Variants in CTIF observed in about 807,000 individuals in gnomAD.
The protein encoded by CTIF is cap binding complex dependent translation initiation factor, also known as CBP80/20-dependent translation initiation factor.
In CTIF, 21 loss-of-function variants were observed where a neutral mutation model predicts 66.0. The observed-to-expected ratio is 0.32, with a 90% CI of 0.23 to 0.46. The LOEUF (loss-of-function observed/expected upper bound fraction) is 0.46. Ranked by LOEUF, CTIF falls within the 20% of genes least tolerant of loss-of-function variation. CTIF has a pLI of 1.00. For synonymous variants in CTIF, 345 were observed against 326.4 expected, an observed-to-expected ratio of 1.06 and a Z score of -0.62; for missense variants, 739 against 812.7, an observed-to-expected ratio of 0.91 and a Z score of 1.10.
At chr18:48,746,474 G>A (rs2092597260) in intron 7 of CTIF, among the ~76,000 whole-genome samples, 1 of 151,134 alleles carries the variant, frequency 6.6e-6, no homozygotes. Flanking sequence ...GGGAAGATCA[G>A]GCGCAGGGAC....
chr18:48,698,890 T>A lies in CTIF; in HGVS notation c.508-12729T>A, dbSNP rs187155716. Among the ~76,000 whole-genome samples, 79 of 152,298 alleles carry A rather than the reference T, an allele frequency of 5.2e-4. No homozygotes were observed. The Middle Eastern group carries it at 0.017, about 33-fold the overall frequency. On this transcript the variant is annotated intron_variant, in intron 6 of 11. Coordinates refer to ENST00000256413, the MANE Select transcript of CTIF (RefSeq NM_014772.3). ...TGGAAGTTCCTCTCTGTGGCCTAGG[T>A]CACTGTGGCATCCCCAGCACCTAGT... is the stretch of plus-strand genomic sequence containing the variant.
At chr18:48,549,601 G>A (rs755247562) in intron 1 of CTIF, among the ~76,000 whole-genome samples, 3 of 152,084 alleles carry the variant, frequency 2.0e-5, no homozygotes, top group Non-Finnish European at 2.9e-5. Context: ...CCACTGCTCC[G>A]GGCATCATGT....
Position 48,730,660 on chromosome 18 carries a change from C to CGGTGTGAGGGGCTTCTGA in CTIF, c.584+18982_584+18983insAGGTGTGAGGGGCTTCTG, listed in dbSNP as rs2092445122. On this transcript the variant is annotated intron_variant, in intron 7 of 11. Coordinates refer to ENST00000256413, the MANE Select transcript of CTIF (RefSeq NM_014772.3). ...GCCCCTGTGGTGTGAGGGGCTTCTG[C>CGGTGTGAGGGGCTTCTGA]GGTGTGAGGGGCTTCTGCGGTGTGA... 1.7e-5 allele frequency among the ~76,000 whole-genome samples: 2 copies of CGGTGTGAGGGGCTTCTGA among 119,228 alleles called. 1 individual carries two copies. The allele number at this position is 119,228 out of a possible 152,430, so 78.2% of individuals were successfully genotyped here. A position where few individuals can be genotyped will look rare whatever the true frequency, so the allele number is the denominator to read the frequency against.
chr18:48,545,004 C>T (rs2088710984), intron 1 of CTIF, among the ~76,000 whole-genome samples: 1 of 152,156 alleles, frequency 6.6e-6, no homozygotes, highest in Non-Finnish European at 1.5e-5. Flanking sequence ...CAAGGGGCAG[C>T]CACCTGCTCC....
chr18:48,567,769 G>C (rs574916336), intron 1 of CTIF: 2 of 152,328 alleles, frequency 1.3e-5, no homozygotes, highest in Non-Finnish European at 2.9e-5. Flanking sequence ...GCAATGAGGG[G>C]CTAGAGGTTA....
intron 1 of CTIF, chr18:48,565,323 A>G (rs917541818): frequency 1.3e-5 from 2 of 152,082 alleles, no homozygotes; most frequent in African/African-American, 4.8e-5. Context: ...CTTCCCTTCT[A>G]CAGGAAACAG....
intron 6 of CTIF, among the ~76,000 whole-genome samples, chr18:48,707,823 G>A (rs988773024): frequency 2.6e-5 from 4 of 152,170 alleles, no homozygotes; most frequent in East Asian, 3.8e-4. Flanking sequence ...ATTCTGGAAC[G>A]TTGTTATCAC....
intron 6 of CTIF, among the ~76,000 whole-genome samples, chr18:48,691,860 C>T (rs1471194289): frequency 6.6e-6 from 1 of 152,164 alleles, no homozygotes; most frequent in Admixed American, 6.5e-5. Flanking sequence ...TATTCCAGGA[C>T]AATCCTATTT....
At chr18:48,559,447 A>G (rs980499900) in intron 1 of CTIF, among the ~76,000 whole-genome samples, 1 of 152,228 alleles carries the variant, frequency 6.6e-6, no homozygotes, top group Admixed American at 6.5e-5. Flanking sequence ...ATTAGAATTT[A>G]AGAGCCTAGT....
At chr18:48,636,740 G>A in intron 3 of CTIF, 55 bp downstream of exon 3, 1 of 1,424,214 alleles carries the variant, frequency 7.0e-7, no homozygotes, top group Non-Finnish European at 9.4e-7. Context: ...TGTCTGCCTG[G>A]GTTCCTGGGC....
intron 9 of CTIF, among the ~76,000 whole-genome samples, chr18:48,802,217 G>T (rs1294607109): frequency 6.6e-6 from 1 of 152,176 alleles, no homozygotes; most frequent in Non-Finnish European, 1.5e-5. Context: ...TCAGGCTGAG[G>T]CCTCAGTGAG....
At chr18:48,855,875 A>T (rs1425989623) in intron 10 of CTIF, among the ~76,000 whole-genome samples, 1 of 152,198 alleles carries the variant, frequency 6.6e-6, no homozygotes, top group East Asian at 1.9e-4. Flanking sequence ...GCTGGAGGTG[A>T]CATGGAGCTG....
chr18:48,667,726 C>T (rs985530207), intron 5 of CTIF, among the ~76,000 whole-genome samples: 1 of 152,222 alleles, frequency 6.6e-6, no homozygotes, highest in Non-Finnish European at 1.5e-5. Flanking sequence ...CTCGGCCAGT[C>T]TCACTTTCTC....
In CTIF at chr18:48,653,029, A is replaced by G. The variant is rs1167160970; in HGVS notation, c.253-10723A>G. Among the ~76,000 whole-genome samples, 7 of 152,220 alleles carry G rather than the reference A, an allele frequency of 4.6e-5. 1 individual carries two copies. In the South Asian group the frequency reaches 1.4e-3, roughly 31 times the overall value. The stretch of plus-strand genomic sequence containing the variant: ...AAACCCACAGCCAATATCATACTGA[A>G]TGGGCAAAAACTGGAAGCATTCCCT... On this transcript the variant is annotated intron_variant, in intron 3 of 11. Coordinates refer to ENST00000256413, the MANE Select transcript of CTIF (RefSeq NM_014772.3).
At chr18:48,789,343 A>T (rs2067742808) in intron 9 of CTIF, among the ~76,000 whole-genome samples, 1 of 152,158 alleles carries the variant, frequency 6.6e-6, no homozygotes, top group Non-Finnish European at 1.5e-5. Flanking sequence ...TAAGATGAGG[A>T]TGGTAATAAT....
At chr18:48,633,577 C>CT (rs1329752096) in intron 2 of CTIF, among the ~76,000 whole-genome samples, 2 of 151,968 alleles carry the variant, frequency 1.3e-5, no homozygotes, top group Non-Finnish European at 2.9e-5. Context: ...TGGCGGGCAC[C>CT]TGTAATCCCA....
At chr18:48,810,332 C>A (rs756475768) in intron 9 of CTIF, among the ~76,000 whole-genome samples, 1 of 152,052 alleles carries the variant, frequency 6.6e-6, no homozygotes, top group African/African-American at 2.4e-5. Flanking sequence ...ATAGTTAAGA[C>A]TATAAATTGA....
chr18:48,727,719 C>T (rs1206732911), intron 7 of CTIF, among the ~76,000 whole-genome samples: 2 of 152,322 alleles, frequency 1.3e-5, no homozygotes, highest in East Asian at 1.9e-4. Context: ...TCTTTAACAT[C>T]TCTTAAAATC....
chr18:48,818,807 A>G (rs2068423147), intron 10 of CTIF, among the ~76,000 whole-genome samples: 1 of 152,108 alleles, frequency 6.6e-6, no homozygotes, highest in South Asian at 2.1e-4. Flanking sequence ...TCAAAGGACC[A>G]GGACAGAAAA....
Sources: allele counts gnomAD v4.1 joint callset (sites outside exome capture counted in the v4.1 genomes callset), GRCh38; gene constraint gnomAD v4.1.1; transcripts MANE v1.5; gene names NCBI Gene and HGNC (gene_info 2026-07-23, HGNC 2026-07-21).